Variants in FBXO34 observed in about 807,000 individuals in gnomAD.
FBXO34 encodes F-box only protein 34.
In FBXO34, 12 loss-of-function variants were observed where a neutral mutation model predicts 24.5. The observed-to-expected ratio is 0.49, with a 90% CI of 0.31 to 0.79. The LOEUF is 0.79. Ranked by LOEUF, FBXO34 falls within the 30% of genes least tolerant of loss-of-function variation. FBXO34 has a pLI of 0.04. For missense variants in FBXO34, 823 were observed against 857.7 expected, an observed-to-expected ratio of 0.96 and a Z score of 0.51; for synonymous variants, 320 against 311.9, an observed-to-expected ratio of 1.03 and a Z score of -0.27.
At chr14:55,296,675 CAT>C (rs1228992759) in intron 1 of FBXO34, among the ~76,000 whole-genome samples, 5 of 152,010 alleles carry the variant, frequency 3.3e-5, no homozygotes, top group Non-Finnish European at 7.4e-5. Flanking sequence ...GGAATACAGG[CAT>C]GAGCCACTGC....
chr14:55,280,217 TG>T (rs1311210603), intron 1 of FBXO34, among the ~76,000 whole-genome samples: 1 of 152,110 alleles, frequency 6.6e-6, no homozygotes, highest in Admixed American at 6.6e-5. Context: ...TTTTAAAAAA[TG>T]GGAATGGGAG....
chr14:55,430,398 TAAAAAAAAAA>T, the FBXO34 span, among the ~76,000 whole-genome samples: 234 of 119,806 alleles, frequency 2.0e-3, 2 homozygotes, highest in African/African-American at 7.3e-3. Context: ...TCACCCACTT[TAAAAAAAAAA>T]AAAAAAAAAA....
chr14:55,431,616 T>A, the FBXO34 span, among the ~76,000 whole-genome samples: 1 of 152,158 alleles, frequency 6.6e-6, no homozygotes, highest in Non-Finnish European at 1.5e-5. Flanking sequence ...ATTCCTGGGA[T>A]CAACATAAGA....
the FBXO34 span, chr14:55,433,622 C>G: frequency 6.2e-7 from 1 of 1,609,952 alleles, no homozygotes. Flanking sequence ...AGGGATGATT[C>G]CTCATACCTT....
chr14:55,440,948 G>A, the FBXO34 span, among the ~76,000 whole-genome samples: 1 of 152,332 alleles, frequency 6.6e-6, no homozygotes, highest in African/African-American at 2.4e-5. Flanking sequence ...CCGGGTTCAA[G>A]CTATTCTCCT....
At chr14:55,318,568 TA>T (rs1359762847) in intron 1 of FBXO34, among the ~76,000 whole-genome samples, 19 of 151,180 alleles carry the variant, frequency 1.3e-4, no homozygotes, top group East Asian at 5.8e-4. Context: ...CTTGCTATGT[TA>T]CCCAGGGCTG....
intron 1 of FBXO34, among the ~76,000 whole-genome samples, chr14:55,302,057 G>A (rs1017352253): frequency 6.6e-6 from 1 of 152,230 alleles, no homozygotes; most frequent in Non-Finnish European, 1.5e-5. Context: ...CTCTCCAAAA[G>A]ATGCAAATGT....
intron 1 of FBXO34, among the ~76,000 whole-genome samples, chr14:55,277,859 A>G (rs1388371668): frequency 2.6e-5 from 4 of 152,110 alleles, no homozygotes; most frequent in African/African-American, 9.7e-5. Context: ...ACTTTGGCTT[A>G]TTCAGGATCC....
At chr14:55,291,011 G>A (rs1303136363) in intron 1 of FBXO34, among the ~76,000 whole-genome samples, 1 of 151,796 alleles carries the variant, frequency 6.6e-6, no homozygotes, top group Non-Finnish European at 1.5e-5. Context: ...TTTTAGTAGA[G>A]ACAGGGGGTT....
At chr14:55,342,079 G>A (rs936613298) in intron 1 of FBXO34, among the ~76,000 whole-genome samples, 6 of 152,162 alleles carry the variant, frequency 3.9e-5, no homozygotes, top group African/African-American at 1.4e-4. Flanking sequence ...AAGTGTAGTG[G>A]CTGTCATTCC....
the FBXO34 span, chr14:55,428,715 C>A: frequency 3.8e-6 from 5 of 1,300,290 alleles, no homozygotes; most frequent in Non-Finnish European, 5.2e-6. Context: ...TTTTTAATCA[C>A]AATTTCTCTG....
Position 55,351,572 on chromosome 14 carries a change from A to G in FBXO34, c.1182A>G (p.Gln394=). The G allele has an allele frequency of 6.2e-7, 1 of 1,614,176 alleles. No individual in the cohort carries two copies. Among genetic ancestry groups the G allele is most frequent in the African/African-American group, 1.3e-5 (1 of 75,036 alleles). ...IDSAELEPGS[Q]TAVKNSNRYD... The stretch of plus-strand genomic sequence containing the variant: ...GTGCAGAGTTAGAGCCGGGTTCGCA[A>G]ACTGCCGTGAAAAACAGCAACAGAT... The change falls in exon 2 of 2, where the codon CAA becomes CAG. Residue 394 remains glutamine, a synonymous_variant. Coordinates refer to ENST00000313833, the MANE Select transcript of FBXO34 (RefSeq NM_017943.4).
At chr14:55,277,455 G>A (rs1210293430) in intron 1 of FBXO34, among the ~76,000 whole-genome samples, 2 of 151,986 alleles carry the variant, frequency 1.3e-5, no homozygotes, top group Non-Finnish European at 2.9e-5. Flanking sequence ...TGAGTAGTTG[G>A]GTCTACAGGT....
At chr14:55,362,062 C>G (rs764593920), downstream of FBXO34, 1 of 152,202 alleles carries the variant, frequency 6.6e-6, no homozygotes, top group South Asian at 2.1e-4. Context: ...TTTTGACATG[C>G]CTTCCTTACT....
At chr14:55,420,133 CG>C in the FBXO34 span, among the ~76,000 whole-genome samples, 2 of 152,182 alleles carry the variant, frequency 1.3e-5, no homozygotes, top group South Asian at 4.1e-4. Flanking sequence ...TGCAGTGGCA[CG>C]ATCTCGGCTC....
the FBXO34 span, among the ~76,000 whole-genome samples, chr14:55,439,617 C>CCCTCCCCCCG: frequency 1.4e-5 from 1 of 72,628 alleles, no homozygotes; most frequent in Non-Finnish European, 3.0e-5. Flanking sequence ...AAAGCAAACC[C>CCCTCCCCCCG]CCCCCCGTCT....
intron 1 of FBXO34, among the ~76,000 whole-genome samples, chr14:55,281,400 C>T (rs1325316414): frequency 6.6e-6 from 1 of 151,740 alleles, no homozygotes. Context: ...CTGTAATTGT[C>T]TCTATGACGT....
At chr14:55,369,073 C>T (rs1052900700), downstream of FBXO34, 6 of 152,488 alleles carry the variant, frequency 3.9e-5, no homozygotes, top group African/African-American at 1.4e-4. Context: ...GTAACTCACC[C>T]CTCCCAAACA....
rs1046452452 is a variant in FBXO34, at chr14:55,328,649, G to A, written c.-10-21732G>A. Among the ~76,000 whole-genome samples, 13 of 152,296 alleles carry A rather than the reference G, an allele frequency of 8.5e-5. No individual in the cohort carries two copies. The East Asian group carries it at 2.5e-3, about 29-fold the overall frequency. ...TTGACCTTGGGTAACCAAAACCATG[G>A]ATAAGGATAAACTACTGTATACAAA... On this transcript the variant is annotated intron_variant, in intron 1 of 1. Coordinates refer to ENST00000313833, the MANE Select transcript of FBXO34 (RefSeq NM_017943.4).
Sources: gnomAD v4.1 joint callset for allele counts (sites outside exome capture counted in the v4.1 genomes callset) on GRCh38, gnomAD v4.1.1 for gene constraint, MANE v1.5 for transcripts, NCBI Gene and HGNC (gene_info 2026-07-23, HGNC 2026-07-21) for gene names.